Variants in SEMA5B observed in about 807,000 individuals in gnomAD.
The protein encoded by SEMA5B is semaphorin 5B, also known as semaphorin-5B.
SEMA5B carries 66 observed loss-of-function variants against 135.0 expected under a neutral mutation model. That is an observed-to-expected ratio of 0.49 (90% CI 0.40 to 0.60). The LOEUF (loss-of-function observed/expected upper bound fraction) is 0.60, where lower values mean the gene tolerates loss of function less well. Ranked by LOEUF, SEMA5B falls within the 20% of genes least tolerant of loss-of-function variation. SEMA5B has a pLI of 0.00. For missense variants in SEMA5B, 1,501 were observed against 1,566.3 expected, an observed-to-expected ratio of 0.96 and a Z score of 0.70; for synonymous variants, 690 against 639.5, an observed-to-expected ratio of 1.08 and a Z score of -1.19.
chr3:122,962,565 A>G (rs1194872962), intron 1 of SEMA5B, among the ~76,000 whole-genome samples: 4 of 152,248 alleles, frequency 2.6e-5, no homozygotes, highest in Non-Finnish European at 5.9e-5. Context: ...AAATTCATCA[A>G]CACCGGCACA....
At chr3:123,021,787 C>T (rs1353091397) in intron 1 of SEMA5B, among the ~76,000 whole-genome samples, 1 of 152,172 alleles carries the variant, frequency 6.6e-6, no homozygotes, top group African/African-American at 2.4e-5. Flanking sequence ...TTTGGAATAC[C>T]TTTCATCTAC....
chr3:123,001,324 A>G (rs1352982547), intron 1 of SEMA5B, among the ~76,000 whole-genome samples: 2 of 152,170 alleles, frequency 1.3e-5, no homozygotes, highest in African/African-American at 4.8e-5. Context: ...CAGGCGTATC[A>G]TAGAGAAAAA....
In SEMA5B at chr3:122,948,603, C is replaced by T; in HGVS notation, c.231G>A (p.Leu77=). The change falls in exon 3 of 23, where the codon CTG becomes CTA. Residue 77 remains leucine (L), a synonymous_variant. Transcript: ENST00000357599. ...VSLLLPSLTL[L]VSHLSSSQDV... The stretch of plus-strand genomic sequence containing the variant: ...CCTGGGAGCTGGAGAGGTGGGACAC[C>T]AGCAGTGTGAGGCTGGGCAGCAACA... 1 of 1,614,034 alleles carries T rather than the reference C, an allele frequency of 6.2e-7. No individual in the cohort carries two copies. The highest frequency in any genetic ancestry group is 8.5e-7 in the Non-Finnish European group (1 of 1,179,966).
chr3:122,931,291 C>G (rs924666177), intron 5 of SEMA5B, among the ~76,000 whole-genome samples: 4 of 152,000 alleles, frequency 2.6e-5, no homozygotes, highest in African/African-American at 7.3e-5. Context: ...GAAGATTTTT[C>G]CCACTTACCC....
At chr3:122,948,843 G>GCAAA in intron 2 of SEMA5B, 134 bp from the exon 3 acceptor site, 1 of 708,546 alleles carries the variant, frequency 1.4e-6, no homozygotes, top group Non-Finnish European at 2.3e-6. Context: ...CTCAGAGTTT[G>GCAAA]CTCTGCTCTA....
intron 2 of SEMA5B, among the ~76,000 whole-genome samples, chr3:122,950,231 T>C (rs1939983034): frequency 2.6e-5 from 4 of 152,252 alleles, no homozygotes; most frequent in Non-Finnish European, 5.9e-5. Flanking sequence ...GAGATACCAC[T>C]TCTCATCTAT....
intron 1 of SEMA5B, among the ~76,000 whole-genome samples, chr3:122,990,207 T>C (rs868591580): frequency 2.0e-5 from 3 of 152,162 alleles, no homozygotes; most frequent in African/African-American, 7.2e-5. Flanking sequence ...TGAGGCTTCC[T>C]ATCATTCCCT....
At position 122,943,652 on chromosome 3, in the gene SEMA5B, G is replaced by A. The variant is rs371408812; in HGVS notation, c.329-117C>T. ...AGGGGGAAGTGGGGCGGTGGCACCC[G>A]GGAGACCTGGTGCCACCTGCCCACC... On this transcript the variant is annotated intron_variant, in intron 3 of 22. Transcript: ENST00000357599. 1.2e-4 allele frequency: 86 copies of A among 704,134 alleles called. No individual in the cohort carries two copies. In the East Asian group the frequency reaches 1.9e-3, roughly 15 times the overall value. 43.6% of individuals were successfully genotyped at this position (704,134 alleles called of 1,614,324 possible).
In SEMA5B at chr3:122,948,564, C is replaced by T. The variant is rs1405376391; in HGVS notation, c.270G>A (p.Glu90=). 6 of 1,613,644 alleles carry T rather than the reference C, an allele frequency of 3.7e-6. No individual in the cohort carries two copies. Among genetic ancestry groups the T allele is most frequent in the Non-Finnish European group, 5.1e-6 (6 of 1,179,726 alleles). ...CGCACAGCTGCTGCTCACTGCTGGG[C>T]TCACTGGAGACATCCTGGGAGCTGG... is the stretch of plus-strand genomic sequence containing the variant. ...HLSSSQDVSS[E]PSSEQQLCAL... Residue 90 remains glutamate (E), a synonymous_variant, in exon 3 of 23, where the codon GAG becomes GAA. Transcript: ENST00000357599.
chr3:122,910,687 G>A (rs1329196116), intron 22 of SEMA5B, among the ~76,000 whole-genome samples, 153 bp downstream of exon 22: 1 of 151,356 alleles, frequency 6.6e-6, no homozygotes, highest in East Asian at 1.9e-4. Flanking sequence ...GCGGGCGCCT[G>A]TAGTCCCAGC....
In SEMA5B at chr3:122,910,305, T is replaced by G; in HGVS notation, c.3298-4A>C. 1 of 1,613,786 alleles carries G rather than the reference T, an allele frequency of 6.2e-7. No homozygotes were observed. The highest frequency in any genetic ancestry group is 8.5e-7 in the Non-Finnish European group (1 of 1,179,854). ...TCAAGTTATTCTTGTTCAGGGTCTG[T>G]GGGTGGAAGAAGGAACCAGAGAAAG... is the stretch of plus-strand genomic sequence containing the variant. On this transcript the variant is annotated splice_polypyrimidine_tract_variant and splice_region_variant and intron_variant, in intron 22 of 22. Coordinates refer to ENST00000357599, the MANE Select transcript of SEMA5B (RefSeq NM_001031702.4).
chr3:122,939,062 A>G (rs1392263127), intron 5 of SEMA5B, among the ~76,000 whole-genome samples: 2 of 152,208 alleles, frequency 1.3e-5, no homozygotes, highest in Admixed American at 1.3e-4. Context: ...ATAACCAACC[A>G]ACCCAGTTTG....
intron 1 of SEMA5B, among the ~76,000 whole-genome samples, chr3:122,981,647 G>A (rs575529484): frequency 6.6e-6 from 1 of 152,344 alleles, no homozygotes; most frequent in East Asian, 1.9e-4. Context: ...AGAACACTGA[G>A]GCTGTCACAC....
At position 122,958,824 on chromosome 3, in the gene SEMA5B, A is replaced by G. The variant is rs1291481960; in HGVS notation, c.124+2316T>C. 2.0e-5 allele frequency among the ~76,000 whole-genome samples: 3 copies of G among 151,968 alleles called. No homozygotes were observed. The East Asian group carries it at 5.8e-4, about 29-fold the overall frequency. On this transcript the variant is annotated intron_variant, in intron 2 of 22. Transcript: ENST00000357599. ...CTTGCCCTCTCCCAGGGGCAACTTC[A>G]TCCCCTGCCTCTGCTTTCTGCAATC...
chr3:122,972,306 C>T (rs1012664311), intron 1 of SEMA5B, among the ~76,000 whole-genome samples: 1 of 152,108 alleles, frequency 6.6e-6, no homozygotes, highest in Non-Finnish European at 1.5e-5. Context: ...TGTGCAGTGA[C>T]TTAAGATGTA....
chr3:122,970,083 T>C (rs1300626636), intron 1 of SEMA5B, among the ~76,000 whole-genome samples: 1 of 152,106 alleles, frequency 6.6e-6, no homozygotes, highest in Non-Finnish European at 1.5e-5. Flanking sequence ...GAAACCACAC[T>C]TGCCCCTGAC....
intron 5 of SEMA5B, among the ~76,000 whole-genome samples, chr3:122,931,774 C>T (rs1048390291): frequency 6.6e-6 from 1 of 152,210 alleles, no homozygotes; most frequent in African/African-American, 2.4e-5. Context: ...CCATTGACAT[C>T]ATCCTGCAAG....
At chr3:122,935,066 TTG>T (rs989044599) in intron 5 of SEMA5B, among the ~76,000 whole-genome samples, 5 of 152,160 alleles carry the variant, frequency 3.3e-5, no homozygotes, top group African/African-American at 9.7e-5. Flanking sequence ...CTCTTTGCTT[TTG>T]TGTGTGTATG....
At chr3:122,994,836 G>A (rs1013683139) in intron 1 of SEMA5B, among the ~76,000 whole-genome samples, 1 of 152,208 alleles carries the variant, frequency 6.6e-6, no homozygotes, top group Non-Finnish European at 1.5e-5. Context: ...CAAATTGGAT[G>A]AAATGGGTAC....
Sources: gnomAD v4.1 joint callset for allele counts (sites outside exome capture counted in the v4.1 genomes callset) on GRCh38, gnomAD v4.1.1 for gene constraint, MANE v1.5 for transcripts, NCBI Gene and HGNC (gene_info 2026-07-23, HGNC 2026-07-21) for gene names.